PEX6: variants seen among roughly 807,000 people sequenced by gnomAD.
The protein encoded by PEX6 is peroxisomal biogenesis factor 6.
In PEX6, 55 loss-of-function variants were observed where a neutral mutation model predicts 85.6. The ratio of observed to expected loss-of-function variants is 0.64; its 90% CI spans 0.52 to 0.80. PEX6 has a LOEUF of 0.80. Among genes scored for constraint, PEX6 ranks in the 30% least tolerant of loss-of-function variants. The pLI, the probability that PEX6 is intolerant of heterozygous loss-of-function variation, is 0.00. For missense variants in PEX6, 1,099 were observed against 1,260.3 expected (o/e 0.87, Z 1.94); for synonymous variants, 519 against 549.1 (o/e 0.95, Z 0.77).
chr6:42,975,717 T>G lies in PEX6; in HGVS notation c.883-679A>C, dbSNP rs200295007. Among the ~76,000 whole-genome samples, 9 of 152,148 alleles carry G rather than the reference T, an allele frequency of 5.9e-5. No individual in the cohort carries two copies. In the East Asian group the frequency reaches 1.7e-3, roughly 29 times the overall value. On this transcript the variant is annotated intron_variant, in intron 1 of 16. Transcript: ENST00000304611. Reference sequence around the variant, plus strand: ...CAACTAAAAAACATGATTTAGTTTTTTTTTTTTTTTTGAGACTTAGTCTCA... The same window carrying G: ...CAACTAAAAAACATGATTTAGTTTTGTTTTTTTTTTTGAGACTTAGTCTCA...
chr6:42,972,115 C>T (rs1429339505), intron 3 of PEX6, among the ~76,000 whole-genome samples: 3 of 152,186 alleles, frequency 2.0e-5, no homozygotes, highest in African/African-American at 7.2e-5. Context: ...GAACATCAGG[C>T]ACTCCAAACA....
Position 42,964,861 on chromosome 6 carries a change from G to A in PEX6, c.2735C>T (p.Ala912Val), listed in dbSNP as rs62641232. 8 of 1,613,980 alleles carry A rather than the reference G, an allele frequency of 5.0e-6. No homozygotes were observed. Among genetic ancestry groups the A allele is most frequent in the East Asian group, 2.2e-5 (1 of 44,880 alleles). Reference protein sequence around the residue: ...LDCCPPQLTGADLYSLCSDAM... With the variant: ...LDCCPPQLTGVDLYSLCSDAM... ...ATCAGAGCAGAGAGAGTAGAGGTCCGCGCCCGTCAGCTGGGGAGGGCAGCA... is the reference window on the plus strand; with the variant it reads ...ATCAGAGCAGAGAGAGTAGAGGTCCACGCCCGTCAGCTGGGGAGGGCAGCA... The change falls in exon 16 of 17, where the codon GCG (alanine) becomes GTG (valine). Residue 912 changes from alanine to valine, a missense_variant. This residue lies in a region of PEX6 where 514 missense variants were observed against 627.0 expected (regional missense o/e 0.82). Coordinates refer to ENST00000304611, the MANE Select transcript of PEX6 (RefSeq NM_000287.4). This position sits in a 1 kb window ranked among gnomAD's most constrained non-coding sequence, Gnocchi z 4.6.
Position 42,966,105 on chromosome 6 carries a change from G to A in PEX6, c.2301C>T (p.Ser767=), listed in dbSNP as rs748898941. The A allele has an allele frequency of 2.9e-5, 47 of 1,613,928 alleles. No homozygotes were observed. In the East Asian group the frequency reaches 5.3e-4, roughly 18 times the overall value. The change falls in exon 12 of 17, where the codon AGC becomes AGT. Residue 767 remains serine, a splice_region_variant and synonymous_variant. Coordinates refer to ENST00000304611, the MANE Select transcript of PEX6 (RefSeq NM_000287.4). ...TGTTAATGAGCTCTGGCCCCTTCAC[G>A]CTGAGTGAGAGGATGTGAGAAGGTG... ...VATECSLTFL[S]VKGPELINMY... is the part of the protein sequence containing the mutation.
At chr6:42,967,938 C>A (rs1178446172) in intron 7 of PEX6, among the ~76,000 whole-genome samples, 2 of 142,972 alleles carry the variant, frequency 1.4e-5, no homozygotes, top group Non-Finnish European at 3.1e-5. Flanking sequence ...GCTGGCCCCC[C>A]CGCTCCCCCT....
intron 5 of PEX6, 129 bp from the exon 6 acceptor site, chr6:42,969,114 G>C (rs1769961445): frequency 2.9e-6 from 2 of 694,528 alleles, no homozygotes. Context: ...CCTGACCCCA[G>C]GACAGGGCTG....
intron 7 of PEX6, among the ~76,000 whole-genome samples, chr6:42,967,789 A>C (rs574533338): frequency 6.6e-6 from 1 of 151,906 alleles, no homozygotes; most frequent in Non-Finnish European, 1.5e-5. Context: ...GAAATGCTAG[A>C]CCACAGACTC....
chr6:42,964,148 A>C lies in PEX6; in HGVS notation c.*187T>G. On this transcript the variant is annotated 3_prime_UTR_variant, in exon 17 of 17. Transcript: ENST00000304611. This position sits in a 1 kb window ranked among gnomAD's most constrained non-coding sequence, Gnocchi z 4.6. Reference sequence around the variant, plus strand: ...GGCCTGGAAGGAGGGGCAAGTAGGCAGGAGATATCTCTTGAGCTGTTGCTG... The same window carrying C: ...GGCCTGGAAGGAGGGGCAAGTAGGCCGGAGATATCTCTTGAGCTGTTGCTG... 3 of 632,978 alleles carry C rather than the reference A, an allele frequency of 4.7e-6. No homozygotes were observed. The highest frequency in any genetic ancestry group is 8.3e-6 in the Non-Finnish European group (3 of 360,424). The allele number at this position is 632,978 out of a possible 1,614,324, so 39.2% of individuals were successfully genotyped here. A position where few individuals can be genotyped will look rare whatever the true frequency, so the allele number is the denominator to read the frequency against.
chr6:42,977,416 A>G (rs1376941974), intron 1 of PEX6, among the ~76,000 whole-genome samples: 1 of 151,420 alleles, frequency 6.6e-6, no homozygotes, highest in East Asian at 1.9e-4. Context: ...CCACACCCAA[A>G]CTTCACCTTT....
intron 7 of PEX6, among the ~76,000 whole-genome samples, chr6:42,967,890 T>G (rs1581762858): frequency 6.8e-6 from 1 of 148,022 alleles, no homozygotes; most frequent in Non-Finnish European, 1.5e-5. Context: ...CACTGAGGGG[T>G]GAGAGAAGGG....
At chr6:42,966,183 C>T in intron 11 of PEX6, 59 bp downstream of exon 11, 2 of 1,609,160 alleles carry the variant, frequency 1.2e-6, no homozygotes, top group East Asian at 2.2e-5. Flanking sequence ...GCCCCTCCTG[C>T]TCCCCAGCCT....
Position 42,979,178 on chromosome 6 carries a change from A to C in PEX6, c.-28T>G. On this transcript the variant is annotated 5_prime_UTR_variant, in exon 1 of 17. Coordinates refer to ENST00000304611, the MANE Select transcript of PEX6 (RefSeq NM_000287.4). ...TGACAGGACACCAACGAGGAGGGTG[A>C]AGGAGCGCAGCTTCCGGAGCCAGAG... 6.4e-7 allele frequency: 1 copy of C among 1,567,268 alleles called. No individual in the cohort carries two copies. The highest frequency in any genetic ancestry group is 1.8e-5 in the Admixed American group (1 of 55,428).
intron 1 of PEX6, among the ~76,000 whole-genome samples, chr6:42,976,326 A>T (rs1770298809): frequency 6.6e-6 from 1 of 152,086 alleles, no homozygotes. Flanking sequence ...GTCCTTAATT[A>T]AACACTATAC....
chr6:42,965,816 G>A lies in PEX6; in HGVS notation c.2363-27C>T. The A allele has an allele frequency of 6.3e-7, 1 of 1,592,098 alleles. No individual in the cohort carries two copies. Among genetic ancestry groups the A allele is most frequent in the South Asian group, 1.1e-5 (1 of 90,592 alleles). On this transcript the variant is annotated intron_variant, in intron 12 of 16. Coordinates refer to ENST00000304611, the MANE Select transcript of PEX6 (RefSeq NM_000287.4). This position sits in a 1 kb window ranked among gnomAD's most constrained non-coding sequence, Gnocchi z 5.0. Reference sequence around the variant, plus strand: ...TGAAGAGAGAGAGGGGCCCACAGGAGGGCAAAGCTCGGCTTGTGGGGGGTT... The same window carrying A: ...TGAAGAGAGAGAGGGGCCCACAGGAAGGCAAAGCTCGGCTTGTGGGGGGTT...
intron 2 of PEX6, 103 bp from the exon 3 acceptor site, chr6:42,974,189 CTG>C: frequency 3.5e-6 from 3 of 863,106 alleles, no homozygotes; most frequent in Non-Finnish European, 5.8e-6. Context: ...CTTGAGTCTA[CTG>C]CCCGCCCAGA....
rs566310924 is a variant in PEX6, at chr6:42,969,886, A to G, written c.1232T>C (p.Met411Thr). The G allele has an allele frequency of 6.2e-7, 1 of 1,614,120 alleles. No individual in the cohort carries two copies. Among genetic ancestry groups the G allele is most frequent in the Non-Finnish European group, 8.5e-7 (1 of 1,179,956 alleles). ...CTACACCCATCCTTGGGGCCTCACC[A>G]TGTACAAGGAGGTATGGGTGGTGTC... ...LADTTHTSLY[M>T]VGSTLSPVPW... The change falls in exon 4 of 17, where the codon ATG becomes ACG. Residue 411 changes from methionine (M) to threonine (T), a missense_variant and splice_region_variant. Met to Thr is a moderately conservative substitution (Grantham distance 81). Coordinates refer to ENST00000304611, the MANE Select transcript of PEX6 (RefSeq NM_000287.4).
rs922837912 is a variant in PEX6, at chr6:42,978,198, C to G, written c.882+71G>C. ...ATATGGGGCACGAGTCCTAAATCTT[C>G]CAATTTACCTAAGACAGAGAAGAGG... On this transcript the variant is annotated intron_variant, in intron 1 of 16. Transcript: ENST00000304611. 3.2e-6 allele frequency: 5 copies of G among 1,565,300 alleles called. No individual in the cohort carries two copies. In the African/African-American group the frequency reaches 6.8e-5, roughly 21 times the overall value.
intron 7 of PEX6, among the ~76,000 whole-genome samples, chr6:42,967,946 C>T (rs1317456364): frequency 7.9e-6 from 1 of 126,538 alleles, no homozygotes; most frequent in Non-Finnish European, 1.8e-5. Context: ...CCCCGCTCCC[C>T]CTTTTTTTTT....
chr6:42,964,733 T>G lies in PEX6; in HGVS notation c.2806+57A>C. ...GCCTCTCAAGTAGCTGGGACTCAGGTGCACCCAGCTCCCCACTAGCTTTTT... is the reference window on the plus strand; with the variant it reads ...GCCTCTCAAGTAGCTGGGACTCAGGGGCACCCAGCTCCCCACTAGCTTTTT... On this transcript the variant is annotated intron_variant, in intron 16 of 16. Coordinates refer to ENST00000304611, the MANE Select transcript of PEX6 (RefSeq NM_000287.4). This position sits in a 1 kb window ranked among gnomAD's most constrained non-coding sequence, Gnocchi z 4.6. 1 of 1,606,454 alleles carries G rather than the reference T, an allele frequency of 6.2e-7. No individual in the cohort carries two copies.
At chr6:42,967,330 C>T in intron 8 of PEX6, 38 bp downstream of exon 8, 11 of 1,583,930 alleles carry the variant, frequency 6.9e-6, no homozygotes, top group Non-Finnish European at 6.9e-6. Context: ...AAGCCAGGGA[C>T]CTCCTAGGGA....
Sources: allele counts gnomAD v4.1 joint callset (sites outside exome capture counted in the v4.1 genomes callset), GRCh38; gene constraint gnomAD v4.1.1; regional missense constraint gnomAD v4.1.1; non-coding constraint Gnocchi (gnomAD v3.1); transcripts MANE v1.5; gene names NCBI Gene and HGNC (gene_info 2026-07-23, HGNC 2026-07-21).